Variants in PRELID2 observed in about 807,000 individuals in gnomAD.
PRELID2 encodes the protein PRELI domain-containing protein 2.
A neutral mutation model predicts 28.4 loss-of-function variants in PRELID2; 25 were observed. The observed-to-expected ratio is 0.88, with a 90% CI of 0.64 to 1.23. The LOEUF is 1.23. PRELID2 is among the 50% of genes most tolerant of loss of function. The pLI is 0.00. For missense variants in PRELID2, 201 were observed against 214.4 expected (o/e 0.94, Z 0.39); for synonymous variants, 76 against 71.6 (o/e 1.06, Z -0.31).
chr5:145,450,280 A>C, the PRELID2 span, among the ~76,000 whole-genome samples: 1 of 152,302 alleles, frequency 6.6e-6, no homozygotes, highest in Admixed American at 6.5e-5. Flanking sequence ...AACAGACACA[A>C]CTGAACTCAA....
intron 1 of PRELID2, among the ~76,000 whole-genome samples, chr5:145,513,205 T>C (rs145271040): frequency 0.14 from 20,547 of 151,718 alleles, 1,799 homozygotes; most frequent in East Asian, 0.23. Context: ...TAAAGGAGCA[T>C]GTTCTAACCC....
At chr5:145,468,063 C>A (rs1752019025), downstream of PRELID2, among the ~76,000 whole-genome samples, 1 of 152,038 alleles carries the variant, frequency 6.6e-6, no homozygotes, top group African/African-American at 2.4e-5. Flanking sequence ...CTATCCCTCC[C>A]CGCTCTCCCA....
At chr5:145,446,926 G>A in the PRELID2 span, among the ~76,000 whole-genome samples, 1 of 151,874 alleles carries the variant, frequency 6.6e-6, no homozygotes, top group Admixed American at 6.6e-5. Flanking sequence ...CATGCCTGTA[G>A]TAATCCCAGC....
the PRELID2 span, among the ~76,000 whole-genome samples, chr5:145,383,667 A>G: frequency 6.6e-6 from 1 of 151,780 alleles, no homozygotes; most frequent in East Asian, 1.9e-4. Flanking sequence ...ATGCACAAAA[A>G]TTAATTTTAG....
At chr5:145,674,871 G>T (rs1007921021) in intron 1 of PRELID2, among the ~76,000 whole-genome samples, 11 of 151,872 alleles carry the variant, frequency 7.2e-5, no homozygotes, top group African/African-American at 2.7e-4. Context: ...GGACGTGGGG[G>T]TTTCAGTGAA....
intron 1 of PRELID2, among the ~76,000 whole-genome samples, chr5:145,628,503 T>A (rs1189146224): frequency 1.3e-5 from 2 of 152,092 alleles, no homozygotes; most frequent in Non-Finnish European, 2.9e-5. Context: ...TTTGTATTTT[T>A]AGTAGAGATG....
intron 5 of PRELID2, among the ~76,000 whole-genome samples, chr5:145,783,214 C>T (rs1401348668): frequency 6.6e-6 from 1 of 152,198 alleles, no homozygotes; most frequent in Non-Finnish European, 1.5e-5. Context: ...CAAGAATTCC[C>T]AAAAGCTTTA....
At chr5:145,695,486 G>T (rs1415119278) in intron 1 of PRELID2, among the ~76,000 whole-genome samples, 3 of 152,184 alleles carry the variant, frequency 2.0e-5, no homozygotes, top group Non-Finnish European at 4.4e-5. Flanking sequence ...GAGAAATGTG[G>T]TCTTGGTCAA....
At chr5:145,347,290 A>C in the PRELID2 span, among the ~76,000 whole-genome samples, 4 of 152,186 alleles carry the variant, frequency 2.6e-5, no homozygotes, top group African/African-American at 9.6e-5. Flanking sequence ...AAAAATAAAA[A>C]TGGTACAGCC....
chr5:145,591,066 T>G (rs1305975794), intron 1 of PRELID2, among the ~76,000 whole-genome samples: 1 of 152,028 alleles, frequency 6.6e-6, no homozygotes, highest in Non-Finnish European at 1.5e-5. Context: ...GAGGCTGAGG[T>G]AGGAGGATTG....
intron 1 of PRELID2, among the ~76,000 whole-genome samples, chr5:145,690,417 G>A (rs566467163): frequency 6.6e-6 from 1 of 152,320 alleles, no homozygotes; most frequent in African/African-American, 2.4e-5. Context: ...GATTGGTTCA[G>A]GGTGTTTAGG....
At chr5:145,464,334 T>C in the PRELID2 span, among the ~76,000 whole-genome samples, 2 of 152,198 alleles carry the variant, frequency 1.3e-5, no homozygotes, top group Non-Finnish European at 2.9e-5. Context: ...AACAACTATA[T>C]ACCTCTCTTA....
chr5:145,317,395 C>T, the PRELID2 span, among the ~76,000 whole-genome samples: 2 of 152,194 alleles, frequency 1.3e-5, no homozygotes, highest in Non-Finnish European at 2.9e-5. Flanking sequence ...ATAAGAACAG[C>T]CTGTGGCCCC....
intron 1 of PRELID2, among the ~76,000 whole-genome samples, chr5:145,656,215 C>G (rs1203814436): frequency 6.6e-6 from 1 of 152,100 alleles, no homozygotes; most frequent in Non-Finnish European, 1.5e-5. Flanking sequence ...ACATCTCACA[C>G]CAGTTAGAAT....
chr5:145,370,062 T>G, the PRELID2 span, among the ~76,000 whole-genome samples: 1 of 152,128 alleles, frequency 6.6e-6, no homozygotes, highest in Non-Finnish European at 1.5e-5. Context: ...TTTCTCCCAT[T>G]CAGTAGTTGT....
intron 1 of PRELID2, among the ~76,000 whole-genome samples, chr5:145,643,803 G>C (rs1754150142): frequency 6.6e-6 from 1 of 152,210 alleles, no homozygotes; most frequent in South Asian, 2.1e-4. Flanking sequence ...CTCTTTATGT[G>C]ATGGATTAAG....
At chr5:145,437,320 T>C in the PRELID2 span, 1 of 152,186 alleles carries the variant, frequency 6.6e-6, no homozygotes, top group South Asian at 2.1e-4. Flanking sequence ...CTGTTAGTGC[T>C]AACTGAAAGA....
At chr5:145,641,628 A>G (rs897522256) in intron 1 of PRELID2, among the ~76,000 whole-genome samples, 1 of 152,168 alleles carries the variant, frequency 6.6e-6, no homozygotes, top group South Asian at 2.1e-4. Flanking sequence ...AATCTCCTAC[A>G]TTAGGTATTT....
chr5:145,773,970 A>G (rs1461735975), intron 5 of PRELID2, among the ~76,000 whole-genome samples: 2 of 152,224 alleles, frequency 1.3e-5, no homozygotes, highest in Non-Finnish European at 2.9e-5. Flanking sequence ...AGGTTCATGC[A>G]ATTCTATAAG....
Sources: gnomAD v4.1 joint callset for allele counts (sites outside exome capture counted in the v4.1 genomes callset) on GRCh38, gnomAD v4.1.1 for gene constraint, MANE v1.5 for transcripts, NCBI Gene and HGNC (gene_info 2026-07-23, HGNC 2026-07-21) for gene names.